Variants in ROR2 observed in about 807,000 individuals in gnomAD.
ROR2 encodes the protein tyrosine-protein kinase transmembrane receptor ROR2.
ROR2 carries 33 observed loss-of-function variants against 74.9 expected under a neutral mutation model. The ratio of observed to expected loss-of-function variants is 0.44; its 90% CI spans 0.33 to 0.59. The LOEUF (loss-of-function observed/expected upper bound fraction) is 0.59, where lower values mean the gene tolerates loss of function less well. Among genes scored for constraint, ROR2 ranks in the 20% least tolerant of loss-of-function variants. The pLI, the probability that ROR2 is intolerant of heterozygous loss-of-function variation, is 0.02. For missense variants in ROR2, 1,216 were observed against 1,313.8 expected (o/e 0.93, Z 1.15); for synonymous variants, 586 against 558.7 (o/e 1.05, Z -0.69).
At position 91,950,069 on chromosome 9, in the gene ROR2, C is replaced by A. The variant is rs1832134639; in HGVS notation, c.-106G>T. 1.9e-6 allele frequency: 1 copy of A among 520,678 alleles called. No homozygotes were observed. Among genetic ancestry groups the A allele is most frequent in the Non-Finnish European group, 3.2e-6 (1 of 317,106 alleles). 32.3% of individuals were successfully genotyped at this position (520,678 alleles called of 1,614,324 possible). Reference sequence around the variant, plus strand: ...TGCGTCCGCTCCTCCTTCTCCCTGGCGCTTCGCAAACGGGTCCACTTCGAG... The same window carrying A: ...TGCGTCCGCTCCTCCTTCTCCCTGGAGCTTCGCAAACGGGTCCACTTCGAG... On this transcript the variant is annotated 5_prime_UTR_variant, in exon 1 of 9. Transcript: ENST00000375708.
chr9:91,773,879 C>T (rs1386951427), intron 2 of ROR2, among the ~76,000 whole-genome samples: 1 of 152,188 alleles, frequency 6.6e-6, no homozygotes, highest in Non-Finnish European at 1.5e-5. Context: ...TCCTCTTCTA[C>T]CCTCCCAAAA....
chr9:91,900,643 C>A (rs939840124), intron 1 of ROR2, among the ~76,000 whole-genome samples: 2 of 152,168 alleles, frequency 1.3e-5, no homozygotes, highest in African/African-American at 4.8e-5. Flanking sequence ...GGACTCCTCG[C>A]GGGGCACGTC....
chr9:91,912,071 G>C (rs913728231), intron 1 of ROR2, among the ~76,000 whole-genome samples: 11 of 151,810 alleles, frequency 7.2e-5, no homozygotes, highest in African/African-American at 2.7e-4. Flanking sequence ...AAACAAATTA[G>C]AAAAACAGGT....
At chr9:91,938,219 G>T (rs1831752436) in intron 1 of ROR2, among the ~76,000 whole-genome samples, 1 of 152,158 alleles carries the variant, frequency 6.6e-6, no homozygotes, top group Non-Finnish European at 1.5e-5. Context: ...AACACTTTGG[G>T]AGGCCAAAGT....
At chr9:91,740,034 C>T (rs1369993729) in intron 4 of ROR2, among the ~76,000 whole-genome samples, 1 of 152,150 alleles carries the variant, frequency 6.6e-6, no homozygotes, top group Non-Finnish European at 1.5e-5. Context: ...CTTGGGATGC[C>T]CCCACAAGTG....
At chr9:91,845,676 G>A (rs1044434661) in intron 1 of ROR2, among the ~76,000 whole-genome samples, 3 of 152,094 alleles carry the variant, frequency 2.0e-5, no homozygotes, top group East Asian at 1.9e-4. Context: ...GAGGTCAGGC[G>A]TTTGAGAAGA....
intron 1 of ROR2, among the ~76,000 whole-genome samples, chr9:91,848,757 G>C (rs948564977): frequency 1.6e-5 from 2 of 127,312 alleles, no homozygotes; most frequent in Non-Finnish European, 3.3e-5. Context: ...TCCGTCTCAG[G>C]GGGGAAGAAA....
chr9:91,949,994 A>T lies in ROR2; in HGVS notation c.-31T>A. ...AGGCAGTGGGGGCCGGGAAGCCCTC[A>T]GAGCTTCGGGCCGGGGCGCGGGGTC... is the stretch of plus-strand genomic sequence containing the variant. On this transcript the variant is annotated 5_prime_UTR_variant, in exon 1 of 9. Coordinates refer to ENST00000375708, the MANE Select transcript of ROR2 (RefSeq NM_004560.4). The T allele has an allele frequency of 7.9e-7, 1 of 1,269,118 alleles. No homozygotes were observed. The highest frequency in any genetic ancestry group is 1.0e-6 in the Non-Finnish European group (1 of 975,022). The allele number at this position is 1,269,118 out of a possible 1,614,324, so 78.6% of individuals were successfully genotyped here.
intron 1 of ROR2, among the ~76,000 whole-genome samples, chr9:91,940,143 C>T (rs989980995): frequency 6.6e-6 from 1 of 152,224 alleles, no homozygotes; most frequent in African/African-American, 2.4e-5. Flanking sequence ...AACTCAGCCC[C>T]GCTGTGCGCA....
intron 1 of ROR2, among the ~76,000 whole-genome samples, chr9:91,790,319 A>G (rs1042633187): frequency 6.6e-6 from 1 of 151,634 alleles, no homozygotes; most frequent in African/African-American, 2.4e-5. Flanking sequence ...GGCCAACATG[A>G]TGAAACCCCC....
intron 1 of ROR2, among the ~76,000 whole-genome samples, chr9:91,813,982 C>T (rs1827840621): frequency 6.6e-6 from 1 of 152,206 alleles, no homozygotes; most frequent in Non-Finnish European, 1.5e-5. Context: ...ACTGCATTTT[C>T]CCTCCTAAAG....
At chr9:91,777,996 C>T (rs902602297) in intron 1 of ROR2, among the ~76,000 whole-genome samples, 3 of 152,194 alleles carry the variant, frequency 2.0e-5, no homozygotes, top group African/African-American at 4.8e-5. Flanking sequence ...GGAAAACATA[C>T]ATGAGGCCGC....
intron 3 of ROR2, among the ~76,000 whole-genome samples, chr9:91,757,037 T>C (rs1825774459): frequency 1.3e-5 from 2 of 152,180 alleles, no homozygotes; most frequent in Admixed American, 6.5e-5. Flanking sequence ...CCCAAAGTGC[T>C]GGAATTACAG....
chr9:91,871,211 T>C (rs1244231035), intron 1 of ROR2, among the ~76,000 whole-genome samples: 1 of 152,238 alleles, frequency 6.6e-6, no homozygotes, highest in African/African-American at 2.4e-5. Context: ...CTTTCTCTGT[T>C]TCCATGTTGG....
At chr9:91,753,628 C>A (rs1158629735) in intron 4 of ROR2, among the ~76,000 whole-genome samples, 1 of 152,134 alleles carries the variant, frequency 6.6e-6, no homozygotes. Flanking sequence ...GACGCGGTGG[C>A]ACGAGTGGCT....
At chr9:91,923,835 G>T (rs1467804419) in intron 1 of ROR2, 1 of 152,264 alleles carries the variant, frequency 6.6e-6, no homozygotes, top group African/African-American at 2.4e-5. Flanking sequence ...GAGATTCCAA[G>T]CTCCCTGAGT....
At chr9:91,864,277 C>G (rs951309206) in intron 1 of ROR2, among the ~76,000 whole-genome samples, 1 of 152,164 alleles carries the variant, frequency 6.6e-6, no homozygotes, top group East Asian at 1.9e-4. Context: ...TTCCATCCAC[C>G]TATCAGTGAT....
chr9:91,842,151 GA>G (rs1828800593), intron 1 of ROR2, among the ~76,000 whole-genome samples: 2 of 152,294 alleles, frequency 1.3e-5, no homozygotes, highest in South Asian at 4.1e-4. Context: ...AAAGAAAGGA[GA>G]GAAAAAGCAT....
At chr9:91,841,689 G>A (rs1193025856) in intron 1 of ROR2, among the ~76,000 whole-genome samples, 5 of 152,152 alleles carry the variant, frequency 3.3e-5, no homozygotes, top group Admixed American at 6.5e-5. Flanking sequence ...CCCTCCACAC[G>A]TCTGCATGAC....
Sources: gnomAD v4.1 joint callset for allele counts (sites outside exome capture counted in the v4.1 genomes callset) on GRCh38, gnomAD v4.1.1 for gene constraint, MANE v1.5 for transcripts, NCBI Gene and HGNC (gene_info 2026-07-23, HGNC 2026-07-21) for gene names.